MSI2: variants seen among roughly 807,000 people sequenced by gnomAD.
MSI2 encodes the protein RNA-binding protein Musashi homolog 2.
A neutral mutation model predicts 45.6 loss-of-function variants in MSI2; 17 were observed. That is an observed-to-expected ratio of 0.37 (90% CI 0.26 to 0.56). MSI2 has a LOEUF of 0.56. MSI2 is among the 20% of genes least tolerant of loss of function. The probability of loss-of-function intolerance (pLI) is 0.77; values close to 1 mark genes in which losing one functional copy is unlikely to be tolerated. For synonymous variants in MSI2, 156 were observed against 158.2 expected (o/e 0.99, Z 0.11); for missense variants, 293 against 444.2 (o/e 0.66, Z 3.06).
rs35707042 is a variant in MSI2 at position 57,454,438 on chromosome 17, C to CTTT, written c.405+52982_405+52984dup. 5.5e-3 allele frequency among the ~76,000 whole-genome samples: 715 copies of CTTT among 130,110 alleles called. 14 individuals carry two copies. The highest frequency in any genetic ancestry group is 0.019 in the African/African-American group (660 of 34,650). The allele number at this position is 130,110 out of a possible 152,430, so 85.4% of individuals were successfully genotyped here. A position where few individuals can be genotyped will look rare whatever the true frequency, so the allele number is the denominator to read the frequency against. ...TCTCTCTCTTTTTCTTTTTCTCTTT[C>CTTT]TTTTTTTTTTTTTTTTTGAGATGGA... On this transcript the variant is annotated intron_variant, in intron 6 of 13. Coordinates refer to ENST00000284073, the MANE Select transcript of MSI2 (RefSeq NM_138962.4).
chr17:57,665,337 A>G (rs997957102), intron 11 of MSI2, among the ~76,000 whole-genome samples: 4 of 152,206 alleles, frequency 2.6e-5, no homozygotes, highest in African/African-American at 9.6e-5. Context: ...TGACTGACCA[A>G]TGGGAGCCTT....
intron 5 of MSI2, chr17:57,268,120 G>C (rs376685781): frequency 6.6e-6 from 1 of 152,148 alleles, no homozygotes; most frequent in Admixed American, 6.5e-5. Flanking sequence ...GCAGAAACTT[G>C]TGGAGCACAT....
chr17:57,614,822 G>A (rs1168771712), intron 8 of MSI2, among the ~76,000 whole-genome samples: 1 of 152,166 alleles, frequency 6.6e-6, no homozygotes, highest in African/African-American at 2.4e-5. Context: ...GAGGTTTATA[G>A]TTCGCATAGT....
intron 5 of MSI2, among the ~76,000 whole-genome samples, chr17:57,316,994 T>C (rs1268359676): frequency 1.3e-5 from 2 of 151,904 alleles, no homozygotes. Flanking sequence ...TCAGGCTCTT[T>C]GTTTCCATTG....
chr17:57,263,020 C>T (rs115364208), intron 5 of MSI2, among the ~76,000 whole-genome samples: 55 of 152,198 alleles, frequency 3.6e-4, no homozygotes, highest in African/African-American at 1.2e-3. Flanking sequence ...TATGTATCTT[C>T]GGGATTTGTC....
At chr17:57,453,531 C>T (rs1233679575) in intron 6 of MSI2, among the ~76,000 whole-genome samples, 1 of 152,198 alleles carries the variant, frequency 6.6e-6, no homozygotes, top group Non-Finnish European at 1.5e-5. Context: ...TGTCTCATTT[C>T]AGCCTAGTAG....
intron 5 of MSI2, among the ~76,000 whole-genome samples, chr17:57,338,734 T>C (rs1332225131): frequency 1.3e-5 from 2 of 152,214 alleles, no homozygotes; most frequent in Non-Finnish European, 2.9e-5. Flanking sequence ...TATGGCTTTT[T>C]ATTCAAGGCT....
At chr17:57,487,693 C>T (rs1316096184) in intron 6 of MSI2, among the ~76,000 whole-genome samples, 1 of 151,928 alleles carries the variant, frequency 6.6e-6, no homozygotes, top group Non-Finnish European at 1.5e-5. Context: ...CCTCTGCCTT[C>T]TCACGCACTC....
intron 7 of MSI2, among the ~76,000 whole-genome samples, chr17:57,540,343 GA>G (rs1459249842): frequency 1.3e-5 from 2 of 152,208 alleles, no homozygotes; most frequent in African/African-American, 4.8e-5. Flanking sequence ...GCTGATTGGA[GA>G]GAATGTTAAC....
chr17:57,665,266 G>A (rs1044032090), intron 11 of MSI2, among the ~76,000 whole-genome samples: 1 of 152,202 alleles, frequency 6.6e-6, no homozygotes, highest in African/African-American at 2.4e-5. Context: ...GAGATTAAGG[G>A]CATGTACCAG....
the MSI2 span, among the ~76,000 whole-genome samples, chr17:57,700,083 T>A: frequency 6.6e-6 from 1 of 152,246 alleles, no homozygotes; most frequent in Non-Finnish European, 1.5e-5. Context: ...CGGCAAACGT[T>A]AACGGCTGTT....
chr17:57,306,922 G>A (rs1213438787), intron 5 of MSI2, among the ~76,000 whole-genome samples: 1 of 152,182 alleles, frequency 6.6e-6, no homozygotes, highest in East Asian at 1.9e-4. Context: ...CAAAAGCAAA[G>A]TGATGGGCTA....
At chr17:57,300,965 G>T (rs1911372062) in intron 5 of MSI2, among the ~76,000 whole-genome samples, 1 of 152,234 alleles carries the variant, frequency 6.6e-6, no homozygotes, top group Non-Finnish European at 1.5e-5. Context: ...AACCATATCA[G>T]TGAGGCAGGG....
At chr17:57,391,216 G>A (rs1421566698) in intron 5 of MSI2, among the ~76,000 whole-genome samples, 12 of 152,206 alleles carry the variant, frequency 7.9e-5, no homozygotes, top group African/African-American at 2.9e-4. Context: ...TAGGCACTGA[G>A]GAGATTCCAG....
chr17:57,619,597 G>A (rs960804072), intron 9 of MSI2, among the ~76,000 whole-genome samples: 4 of 152,310 alleles, frequency 2.6e-5, no homozygotes, highest in Middle Eastern at 3.4e-3. Context: ...GCCTGGCCAC[G>A]TGTGTGTGGG....
intron 10 of MSI2, chr17:57,632,517 C>T: frequency 9.4e-7 from 1 of 1,067,084 alleles, no homozygotes. Flanking sequence ...CCCGCCTTCC[C>T]CAGCTCGCCT....
Position 57,619,825 on chromosome 17 carries a change from G to A in MSI2, c.652+3741G>A, listed in dbSNP as rs150560850. ...TACTCATCTGCCCAGCTCTTCCCCC[G>A]TCTACTCACAGTTCAAGTTATGACT... On this transcript the variant is annotated intron_variant, in intron 9 of 13. Transcript: ENST00000284073. 6.1e-4 allele frequency among the ~76,000 whole-genome samples: 93 copies of A among 152,286 alleles called. 2 individuals are homozygous for A. The East Asian group carries it at 0.011, about 18-fold the overall frequency.
chr17:57,622,642 T>G (rs182548623), intron 9 of MSI2, among the ~76,000 whole-genome samples: 58 of 149,414 alleles, frequency 3.9e-4, no homozygotes, highest in African/African-American at 1.4e-3. Flanking sequence ...TTAAGCCCCC[T>G]GAAATGTGAG....
chr17:57,561,162 T>C (rs8068855), intron 7 of MSI2, among the ~76,000 whole-genome samples: 68,438 of 151,982 alleles, frequency 0.45, 16,227 homozygotes, highest in African/African-American at 0.61. Context: ...GACCTCACAA[T>C]CCAGAAGAAA....
Sources: gnomAD v4.1 joint callset for allele counts (sites outside exome capture counted in the v4.1 genomes callset) on GRCh38, gnomAD v4.1.1 for gene constraint, MANE v1.5 for transcripts, NCBI Gene and HGNC (gene_info 2026-07-23, HGNC 2026-07-21) for gene names.